The following KIF13B variants were observed in gnomAD, a reference collection of about 807,000 sequenced individuals.
KIF13B encodes kinesin-like protein KIF13B.
A neutral mutation model predicts 222.0 loss-of-function variants in KIF13B; 127 were observed. That is an observed-to-expected ratio of 0.57 (90% confidence interval 0.50 to 0.66). KIF13B has a LOEUF of 0.66. Among genes scored for constraint, KIF13B ranks in the 30% least tolerant of loss-of-function variants. The pLI, the probability that KIF13B is intolerant of heterozygous loss-of-function variation, is 0.00. For missense variants in KIF13B, 2,173 were observed against 2,379.0 expected (o/e 0.91, Z 1.80); for synonymous variants, 976 against 919.0 (o/e 1.06, Z -1.12).
Position 29,167,118 on chromosome 8 carries a change from G to A in KIF13B, c.1158+255C>T, listed in dbSNP as rs186249069. On this transcript the variant is annotated intron_variant, in intron 11 of 39. Transcript: ENST00000524189. Reference sequence around the variant, plus strand: ...ATTATACCTCTCTCTTTTGTCTGCCGCCTGAATAGAAATGCAAACATTTTC... The same window carrying A: ...ATTATACCTCTCTCTTTTGTCTGCCACCTGAATAGAAATGCAAACATTTTC... 1.9e-3 allele frequency among the ~76,000 whole-genome samples: 285 copies of A among 152,140 alleles called. No individual in the cohort carries two copies. Among genetic ancestry groups the A allele is most frequent in the African/African-American group, 6.6e-3 (274 of 41,486 alleles).
rs376496739 is a variant in KIF13B at position 29,142,376 on chromosome 8, C to T, written c.2188-73G>A. 6.5e-5 allele frequency: 87 copies of T among 1,336,798 alleles called. No individual in the cohort carries two copies. The East Asian group carries it at 1.4e-3, about 21-fold the overall frequency. The allele number at this position is 1,336,798 out of a possible 1,614,324, so 82.8% of individuals were successfully genotyped here. ...AAGTCAAAGCTGACAATTCCACCCCCATCAGTCAAATGTCATTACACCAAA... is the reference window on the plus strand; with the variant it reads ...AAGTCAAAGCTGACAATTCCACCCCTATCAGTCAAATGTCATTACACCAAA... On this transcript the variant is annotated intron_variant, in intron 18 of 39. Coordinates refer to ENST00000524189, the MANE Select transcript of KIF13B (RefSeq NM_015254.4).
chr8:29,226,636 C>T (rs945363553), intron 2 of KIF13B, among the ~76,000 whole-genome samples: 1 of 152,202 alleles, frequency 6.6e-6, no homozygotes, highest in African/African-American at 2.4e-5. Context: ...AATGATTTAA[C>T]TTACCAGAAA....
intron 2 of KIF13B, among the ~76,000 whole-genome samples, chr8:29,200,622 A>G (rs1586917783): frequency 6.6e-6 from 1 of 152,322 alleles, no homozygotes; most frequent in East Asian, 1.9e-4. Flanking sequence ...TTAACCATCA[A>G]CACAGTTTAT....
In KIF13B at chr8:29,127,019, C is replaced by A. The variant is rs1810142149; in HGVS notation, c.3222+103G>T. 1.2e-5 allele frequency: 12 copies of A among 1,004,090 alleles called. No individual in the cohort carries two copies. The South Asian group carries it at 1.9e-4, about 16-fold the overall frequency. 62.2% of individuals were successfully genotyped at this position (1,004,090 alleles called of 1,614,324 possible). On this transcript the variant is annotated intron_variant, in intron 25 of 39. Transcript: ENST00000524189. ...GACAGCAAAGGTAAACAAAGAGATT[C>A]ACGGAAAGAAATGTTCATAAAAAGT... is the stretch of plus-strand genomic sequence containing the variant.
chr8:29,220,489 G>C (rs1358978748), intron 2 of KIF13B, among the ~76,000 whole-genome samples: 2 of 152,054 alleles, frequency 1.3e-5, no homozygotes, highest in African/African-American at 4.8e-5. Context: ...TGGCAAGGAG[G>C]GGAAGGCGAC....
chr8:29,242,445 A>ATT (rs1815823640), intron 2 of KIF13B, among the ~76,000 whole-genome samples: 1 of 152,262 alleles, frequency 6.6e-6, no homozygotes, highest in African/African-American at 2.4e-5. Flanking sequence ...AGATTTAGTC[A>ATT]TTTAAAGGGA....
intron 2 of KIF13B, among the ~76,000 whole-genome samples, chr8:29,208,070 G>T (rs1023914063): frequency 1.3e-5 from 2 of 152,174 alleles, no homozygotes; most frequent in Admixed American, 1.3e-4. Flanking sequence ...TCATGTATTT[G>T]CAGTTCATCA....
intron 35 of KIF13B, among the ~76,000 whole-genome samples, chr8:29,105,900 C>A (rs188740549): frequency 9.6e-4 from 146 of 151,982 alleles, no homozygotes; most frequent in African/African-American, 3.4e-3. Context: ...CTCAGGTGAT[C>A]CACCTGCCTC....
rs532066669 is a variant in KIF13B, at chr8:29,128,165, AT to A, written c.3076-898del. ...AAATATAAATATATAATTATAAAAA[AT>A]AATCAGTAAATATGATTGTTTAGAC... On this transcript the variant is annotated intron_variant, in intron 24 of 39. Coordinates refer to ENST00000524189, the MANE Select transcript of KIF13B (RefSeq NM_015254.4). 8.0e-4 allele frequency among the ~76,000 whole-genome samples: 120 copies of A among 150,452 alleles called. 1 individual carries two copies. The highest frequency in any genetic ancestry group is 2.9e-3 in the African/African-American group (120 of 41,280).
chr8:29,251,491 T>A (rs1816279589), intron 1 of KIF13B, among the ~76,000 whole-genome samples: 1 of 152,148 alleles, frequency 6.6e-6, no homozygotes, highest in Non-Finnish European at 1.5e-5. Flanking sequence ...ACCTTGAAGA[T>A]ATCATGCTAA....
chr8:29,252,118 TA>T (rs1345031947), intron 1 of KIF13B, among the ~76,000 whole-genome samples: 1 of 152,162 alleles, frequency 6.6e-6, no homozygotes, highest in East Asian at 1.9e-4. Flanking sequence ...CCACCAACAT[TA>T]AAGATTCCGT....
intron 12 of KIF13B, 132 bp downstream of exon 12, chr8:29,165,530 C>A (rs1811954202): frequency 8.4e-6 from 5 of 594,224 alleles, no homozygotes; most frequent in Non-Finnish European, 9.0e-6. Context: ...TCTTTCAGAT[C>A]TAGATTCCTA....
Position 29,196,086 on chromosome 8 carries a change from T to C in KIF13B, c.162+101A>G, listed in dbSNP as rs913561432. On this transcript the variant is annotated intron_variant, in intron 3 of 39. Coordinates refer to ENST00000524189, the MANE Select transcript of KIF13B (RefSeq NM_015254.4). Reference sequence around the variant, plus strand: ...GACAGCTTGCATTACTTGTACAAAATGATAGAAAATATTTTCCTTTTTGAG... The same window carrying C: ...GACAGCTTGCATTACTTGTACAAAACGATAGAAAATATTTTCCTTTTTGAG... 7 of 1,033,310 alleles carry C rather than the reference T, an allele frequency of 6.8e-6. No homozygotes were observed. The African/African-American group carries it at 8.2e-5, about 12-fold the overall frequency. 64.0% of individuals were successfully genotyped at this position (1,033,310 alleles called of 1,614,324 possible).
intron 1 of KIF13B, among the ~76,000 whole-genome samples, chr8:29,249,290 C>T (rs940169117): frequency 2.0e-5 from 3 of 151,872 alleles, no homozygotes; most frequent in Admixed American, 2.0e-4. Context: ...ATTAGCTAGG[C>T]GTGGTGGCAT....
chr8:29,128,012 A>G (rs1467713546), intron 24 of KIF13B, among the ~76,000 whole-genome samples: 1 of 151,304 alleles, frequency 6.6e-6, no homozygotes, highest in Non-Finnish European at 1.5e-5. Context: ...AAATATAAAT[A>G]TAAATATAAA....
At chr8:29,073,703 T>TA (rs1307891903) in intron 38 of KIF13B, among the ~76,000 whole-genome samples, 2 of 152,226 alleles carry the variant, frequency 1.3e-5, no homozygotes, top group African/African-American at 2.4e-5. Context: ...ATACGTCTCT[T>TA]ACAGTTACTT....
chr8:29,103,015 G>A (rs1248264701), intron 35 of KIF13B, among the ~76,000 whole-genome samples: 1 of 152,174 alleles, frequency 6.6e-6, no homozygotes, highest in African/African-American at 2.4e-5. Flanking sequence ...AGCCAAGGCA[G>A]GCAGATCACG....
chr8:29,228,308 A>C (rs1445105092), intron 2 of KIF13B, among the ~76,000 whole-genome samples: 1 of 151,046 alleles, frequency 6.6e-6, no homozygotes, highest in Non-Finnish European at 1.5e-5. Context: ...TACCAAAAAA[A>C]ATAGAGAAAT....
At chr8:29,163,098 G>A (rs1027008301) in intron 12 of KIF13B, among the ~76,000 whole-genome samples, 10 of 152,076 alleles carry the variant, frequency 6.6e-5, no homozygotes, top group African/African-American at 2.4e-4. Context: ...CTTTTAATGG[G>A]AACATAAAAG....
Sources: allele counts gnomAD v4.1 joint callset (sites outside exome capture counted in the v4.1 genomes callset), GRCh38; gene constraint gnomAD v4.1.1; transcripts MANE v1.5; gene names NCBI Gene and HGNC (gene_info 2026-07-23, HGNC 2026-07-21).